CADM2: variants seen among roughly 807,000 people sequenced by gnomAD.
The protein encoded by CADM2 is cell adhesion molecule 2, also known as immunoglobulin superfamily member 4D.
A neutral mutation model predicts 49.8 loss-of-function variants in CADM2; 12 were observed. The ratio of observed to expected loss-of-function variants is 0.24; its 90% CI spans 0.15 to 0.39. The LOEUF (loss-of-function observed/expected upper bound fraction) is 0.39, where lower values mean the gene tolerates loss of function less well. Ranked by LOEUF, CADM2 falls within the 10% of genes least tolerant of loss-of-function variation. The pLI, the probability that CADM2 is intolerant of heterozygous loss-of-function variation, is 1.00. For missense variants in CADM2, 378 were observed against 492.3 expected, an observed-to-expected ratio of 0.77 and a Z score of 2.20; for synonymous variants, 214 against 175.4, an observed-to-expected ratio of 1.22 and a Z score of -1.74.
At chr3:85,398,289 CAAT>C (rs1294374070) in intron 1 of CADM2, among the ~76,000 whole-genome samples, 3 of 151,842 alleles carry the variant, frequency 2.0e-5, no homozygotes, top group Admixed American at 1.3e-4. Flanking sequence ...AGTTTGCTGA[CAAT>C]GATGGTTTCC....
At chr3:85,824,735 T>C (rs1202927757) in intron 3 of CADM2, among the ~76,000 whole-genome samples, 2 of 152,108 alleles carry the variant, frequency 1.3e-5, no homozygotes, top group South Asian at 2.1e-4. Flanking sequence ...ATTTGCTTGC[T>C]GAGTGGAGTG....
At chr3:85,436,051 C>T (rs990941939) in intron 1 of CADM2, among the ~76,000 whole-genome samples, 3 of 152,070 alleles carry the variant, frequency 2.0e-5, no homozygotes, top group Non-Finnish European at 2.9e-5. Flanking sequence ...TCAATTTTGG[C>T]TTTTATTGTC....
intron 1 of CADM2, among the ~76,000 whole-genome samples, chr3:85,102,251 G>A (rs1036452662): frequency 1.3e-5 from 2 of 151,916 alleles, no homozygotes; most frequent in African/African-American, 4.8e-5. Context: ...CATTTGCTTA[G>A]GCTATTCATT....
rs1035911093 is a variant in CADM2 at position 84,959,398 on chromosome 3, T to C, written c.-210T>C. The C allele has an allele frequency of 3.3e-5, 19 of 582,406 alleles. No individual in the cohort carries two copies. The highest frequency in any genetic ancestry group is 5.5e-5 in the Non-Finnish European group (18 of 327,316). 36.1% of individuals were successfully genotyped at this position (582,406 alleles called of 1,614,324 possible). A position where few individuals can be genotyped will look rare whatever the true frequency, so the allele number is the denominator to read the frequency against. Reference sequence around the variant, plus strand: ...GCAGGAGGAGGAGGAGAAGAAACTATTTCGCGATACCCCATTCTGCGGGTG... The same window carrying C: ...GCAGGAGGAGGAGGAGAAGAAACTACTTCGCGATACCCCATTCTGCGGGTG... On this transcript the variant is annotated 5_prime_UTR_variant, in exon 1 of 10. Coordinates refer to ENST00000383699, the MANE Select transcript of CADM2 (RefSeq NM_001167675.2).
chr3:85,858,316 A>G (rs1399037043), intron 3 of CADM2, among the ~76,000 whole-genome samples: 1 of 152,244 alleles, frequency 6.6e-6, no homozygotes, highest in Non-Finnish European at 1.5e-5. Flanking sequence ...TTATCCGATT[A>G]TATTACATTT....
At chr3:85,184,232 A>G (rs997860595) in intron 1 of CADM2, among the ~76,000 whole-genome samples, 2 of 152,120 alleles carry the variant, frequency 1.3e-5, no homozygotes, top group Non-Finnish European at 2.9e-5. Flanking sequence ...CAACAGATTC[A>G]GTAGATTTGT....
chr3:85,754,905 A>G (rs903522449), intron 2 of CADM2, among the ~76,000 whole-genome samples: 1 of 152,220 alleles, frequency 6.6e-6, no homozygotes, highest in African/African-American at 2.4e-5. Context: ...GGCTTATAGA[A>G]AAATGAAATA....
chr3:85,247,131 G>A (rs1559741282), intron 1 of CADM2, among the ~76,000 whole-genome samples: 1 of 151,996 alleles, frequency 6.6e-6, no homozygotes, highest in Non-Finnish European at 1.5e-5. Context: ...TAAATGTCAT[G>A]TCTAAAAACA....
intron 1 of CADM2, among the ~76,000 whole-genome samples, chr3:85,128,497 C>A (rs2039112457): frequency 6.6e-6 from 1 of 152,046 alleles, no homozygotes; most frequent in Admixed American, 6.6e-5. Context: ...TTCTAACAAT[C>A]CTAGAAGTGA....
chr3:85,027,735 A>G (rs1317160579), intron 1 of CADM2, among the ~76,000 whole-genome samples: 1 of 152,162 alleles, frequency 6.6e-6, no homozygotes, highest in Admixed American at 6.5e-5. Flanking sequence ...TAGTTAAAAT[A>G]TTTAATCTTC....
intron 1 of CADM2, among the ~76,000 whole-genome samples, chr3:85,697,786 A>G (rs2066616862): frequency 6.6e-6 from 1 of 152,178 alleles, no homozygotes; most frequent in African/African-American, 2.4e-5. Flanking sequence ...TATAGAATAT[A>G]ACAGATTTAT....
At position 85,347,881 on chromosome 3, in the gene CADM2, C is replaced by T. The variant is rs751642620; in HGVS notation, c.62-378641C>T. Among the ~76,000 whole-genome samples, 47 of 151,436 alleles carry T rather than the reference C, an allele frequency of 3.1e-4. 1 individual carries two copies. The highest frequency in any genetic ancestry group is 4.4e-4 in the Non-Finnish European group (30 of 67,950). On this transcript the variant is annotated intron_variant, in intron 1 of 9. Transcript: ENST00000383699. ...GGAGTGCAGTGGCACGATCTCCGCT[C>T]AGTGCAAGCTCCGCCTCCTAGGTTC...
chr3:85,728,626 C>A (rs1352282911), intron 2 of CADM2, among the ~76,000 whole-genome samples: 2 of 151,798 alleles, frequency 1.3e-5, no homozygotes, highest in Non-Finnish European at 2.9e-5. Context: ...TTCTCCTGGC[C>A]CAGAAAAAGT....
chr3:85,914,594 C>T (rs973278704), intron 6 of CADM2, among the ~76,000 whole-genome samples: 2 of 152,086 alleles, frequency 1.3e-5, no homozygotes, highest in African/African-American at 2.4e-5. Context: ...GTAATTCTAA[C>T]ATATAATTAA....
intron 1 of CADM2, among the ~76,000 whole-genome samples, chr3:85,263,392 T>C (rs894189801): frequency 3.9e-5 from 6 of 152,128 alleles, no homozygotes; most frequent in African/African-American, 1.4e-4. Context: ...TAATAAAATC[T>C]AATCCTTCTA....
intron 1 of CADM2, among the ~76,000 whole-genome samples, chr3:85,246,860 T>A (rs991815763): frequency 1.3e-5 from 2 of 152,144 alleles, no homozygotes; most frequent in African/African-American, 4.8e-5. Flanking sequence ...GTTTGCTGTG[T>A]ATATTTTGTT....
chr3:85,929,437 T>C (rs1430235823), intron 6 of CADM2, among the ~76,000 whole-genome samples: 1 of 152,160 alleles, frequency 6.6e-6, no homozygotes, highest in African/African-American at 2.4e-5. Context: ...ATCTAGTAGA[T>C]AACTTGGCAA....
chr3:85,127,747 G>A (rs188705508), intron 1 of CADM2, among the ~76,000 whole-genome samples: 60 of 152,212 alleles, frequency 3.9e-4, no homozygotes, highest in Non-Finnish European at 6.5e-4. Flanking sequence ...TTTAAGGATT[G>A]ATTTAGGTGA....
At chr3:85,316,358 A>G (rs527397539) in intron 1 of CADM2, among the ~76,000 whole-genome samples, 1 of 152,308 alleles carries the variant, frequency 6.6e-6, no homozygotes, top group South Asian at 2.1e-4. Context: ...GTGAAGCAGA[A>G]TCACAGGTTA....
Sources: allele counts gnomAD v4.1 joint callset (sites outside exome capture counted in the v4.1 genomes callset), GRCh38; gene constraint gnomAD v4.1.1; transcripts MANE v1.5; gene names NCBI Gene and HGNC (gene_info 2026-07-23, HGNC 2026-07-21).